Variants in MCM8 observed in about 807,000 individuals in gnomAD.
The protein encoded by MCM8 is minichromosome maintenance 8 homologous recombination repair factor, also known as DNA helicase MCM8.
A neutral mutation model predicts 98.9 loss-of-function variants in MCM8; 85 were observed. The observed-to-expected ratio is 0.86, with a 90% CI of 0.72 to 1.03. The LOEUF (loss-of-function observed/expected upper bound fraction) is 1.03, where lower values mean the gene tolerates loss of function less well. Ranked by LOEUF, MCM8 falls within the 50% of genes least tolerant of loss-of-function variation. The pLI is 0.00. For synonymous variants in MCM8, 352 were observed against 338.6 expected (o/e 1.04, Z -0.44); for missense variants, 951 against 997.8 (o/e 0.95, Z 0.63).
chr20:5,985,458 A>AT (rs34373016), intron 15 of MCM8, among the ~76,000 whole-genome samples: 1 of 145,320 alleles, frequency 6.9e-6, no homozygotes, highest in Non-Finnish European at 1.5e-5. Context: ...AAAAAAAAAA[A>AT]GGAATCTAAG....
At chr20:5,977,414 CTTGTGCTGT>C (rs2089534142) in intron 12 of MCM8, among the ~76,000 whole-genome samples, 1 of 152,206 alleles carries the variant, frequency 6.6e-6, no homozygotes, top group Admixed American at 6.5e-5. Flanking sequence ...GCTTTTAACT[CTTGTGCTGT>C]TTACTTTTCT....
At chr20:5,978,577 T>C (rs1383346338) in intron 13 of MCM8, among the ~76,000 whole-genome samples, 2 of 152,008 alleles carry the variant, frequency 1.3e-5, no homozygotes, top group Admixed American at 6.6e-5. Context: ...TTTTTTTCTT[T>C]TTATGAGACA....
intron 15 of MCM8, 127 bp downstream of exon 15, chr20:5,985,127 A>AG: frequency 1.4e-6 from 1 of 707,950 alleles, no homozygotes; most frequent in Non-Finnish European, 2.3e-6. Flanking sequence ...TTTCCATACT[A>AG]GAGTTTACGT....
intron 10 of MCM8, among the ~76,000 whole-genome samples, chr20:5,969,993 A>T (rs1484002769): frequency 6.6e-6 from 1 of 152,296 alleles, no homozygotes; most frequent in Non-Finnish European, 1.5e-5. Flanking sequence ...TTCTTCCCAC[A>T]GTTTGCTTTT....
chr20:5,993,412 A>G (rs1288386976), intron 17 of MCM8, 94 bp from the exon 18 acceptor site: 13 of 960,656 alleles, frequency 1.4e-5, no homozygotes, highest in East Asian at 2.5e-5. Flanking sequence ...CCTTGTGGCT[A>G]CTTCCAAATT....
At chr20:5,968,359 A>G (rs1332100860) in intron 10 of MCM8, among the ~76,000 whole-genome samples, 2 of 152,190 alleles carry the variant, frequency 1.3e-5, no homozygotes, top group Non-Finnish European at 2.9e-5. Context: ...AGCCTGGCCA[A>G]CATGGTGAAA....
chr20:5,961,927 A>C (rs1276094190), intron 7 of MCM8, among the ~76,000 whole-genome samples: 1 of 152,044 alleles, frequency 6.6e-6, no homozygotes, highest in Non-Finnish European at 1.5e-5. Flanking sequence ...GTAACACATC[A>C]CTCCAAAACT....
At chr20:5,971,654 A>C (rs1271029766) in intron 10 of MCM8, among the ~76,000 whole-genome samples, 3 of 152,218 alleles carry the variant, frequency 2.0e-5, no homozygotes, top group African/African-American at 7.2e-5. Flanking sequence ...CAGTCTCAAG[A>C]TGTCTGTTCA....
intron 13 of MCM8, among the ~76,000 whole-genome samples, chr20:5,982,018 G>A (rs2089639737): frequency 6.6e-6 from 1 of 152,116 alleles, no homozygotes; most frequent in Non-Finnish European, 1.5e-5. Context: ...GAGAACAAAG[G>A]AAATTCAACA....
In MCM8 at chr20:5,985,904, C is replaced by T; in HGVS notation, c.1954-18C>T. The T allele has an allele frequency of 6.2e-7, 1 of 1,612,224 alleles. No individual in the cohort carries two copies. The highest frequency in any genetic ancestry group is 8.5e-7 in the Non-Finnish European group (1 of 1,178,378). On this transcript the variant is annotated intron_variant, in intron 15 of 18. Coordinates refer to ENST00000610722, the MANE Select transcript of MCM8 (RefSeq NM_032485.6). ...GCTACTTATCCTTGTTATCTTGGGC[C>T]TTTTAATCATGCTTCAGGTGGTTCC...
At position 5,967,432 on chromosome 20, in the gene MCM8, T is replaced by TTA; in HGVS notation, c.876-3_876-2dup. 1.9e-6 allele frequency: 3 copies of TTA among 1,612,028 alleles called. No individual in the cohort carries two copies. The African/African-American group carries it at 4.0e-5, about 21-fold the overall frequency. The stretch of plus-strand genomic sequence containing the variant: ...TCTAACTGAAAACTATTTAAACTTT[T>TTA]TAGAATCCAGGAATTGATGTCTGAT... On this transcript the variant is annotated splice_region_variant and splice_polypyrimidine_tract_variant and intron_variant, in intron 8 of 18. Coordinates refer to ENST00000610722, the MANE Select transcript of MCM8 (RefSeq NM_032485.6).
Position 5,994,607 on chromosome 20 carries a change from A to C in MCM8, c.*216A>C. The C allele has an allele frequency of 3.9e-6, 2 of 512,568 alleles. No homozygotes were observed. The highest frequency in any genetic ancestry group is 7.0e-6 in the Non-Finnish European group (2 of 286,888). The allele number at this position is 512,568 out of a possible 1,614,324, so 31.8% of individuals were successfully genotyped here. On this transcript the variant is annotated 3_prime_UTR_variant, in exon 19 of 19. Coordinates refer to ENST00000610722, the MANE Select transcript of MCM8 (RefSeq NM_032485.6). The stretch of plus-strand genomic sequence containing the variant: ...TTAAATATAATAAACTAATTTAAGA[A>C]GTGATAAAGTCTCCAGATGCAGTAG...
chr20:5,966,003 A>G (rs1442199415), intron 8 of MCM8, among the ~76,000 whole-genome samples: 1 of 152,156 alleles, frequency 6.6e-6, no homozygotes, highest in East Asian at 1.9e-4. Context: ...ATTTTCAGAA[A>G]GTATACAGGA....
At position 5,997,956 on chromosome 20, in the gene MCM8, A is replaced by G. The variant is rs972669572; in HGVS notation, c.*3565A>G. ...TGATCATTTCATTTTTAGGATAGAG[A>G]TATCAAGGTGAGGGTATAACTGAAC... On this transcript the variant is annotated 3_prime_UTR_variant, in exon 19 of 19. Coordinates refer to ENST00000610722, the MANE Select transcript of MCM8 (RefSeq NM_032485.6). 1 of 152,192 alleles carries G rather than the reference A, an allele frequency of 6.6e-6. No individual in the cohort carries two copies. The highest frequency in any genetic ancestry group is 2.4e-5 in the African/African-American group (1 of 41,444). The allele number at this position is 152,192 out of a possible 1,614,324, so 9.4% of individuals were successfully genotyped here.
chr20:5,955,194 TG>T lies in MCM8; in HGVS notation c.430del (p.Glu144AsnfsTer2). On this transcript the variant is annotated frameshift_variant, in exon 5 of 19. Coordinates refer to ENST00000610722, the MANE Select transcript of MCM8 (RefSeq NM_032485.6). LOFTEE classifies it high-confidence loss of function. ...VTNLIPDIAT[E>X]LRDAPEKTLA... ...CTAACTTGATACCAGATATAGCAAC[TG>T]AACTAAGAGATGCACCTGAGAAAAC... 6.2e-7 allele frequency: 1 copy of T among 1,614,004 alleles called. No homozygotes were observed. The highest frequency in any genetic ancestry group is 1.7e-4 in the Middle Eastern group (1 of 6,058).
chr20:5,952,925 G>A (rs1364999488), intron 3 of MCM8, among the ~76,000 whole-genome samples: 1 of 152,198 alleles, frequency 6.6e-6, no homozygotes, highest in Non-Finnish European at 1.5e-5. Context: ...TCACAGCATA[G>A]CTGTTATTTT....
In MCM8 at chr20:5,987,285, C is replaced by T. The variant is rs770636766; in HGVS notation, c.2167C>T (p.Arg723Ter). Reference sequence around the variant, plus strand: ...AAAATGGTGTTTTCTTTTAAAGGCACGAGCAAGGTTGGAATTGAGAGAGGA... The same window carrying T: ...AAAATGGTGTTTTCTTTTAAAGGCATGAGCAAGGTTGGAATTGAGAGAGGA... The part of the protein sequence containing the change: ...LESLIRLTEA[R>*]ARLELREEAT... The change falls in exon 17 of 19, where the codon CGA becomes TGA. Residue 723 changes from arginine (R) to a stop codon, truncating the protein, a stop_gained. Transcript: ENST00000610722. LOFTEE classifies it high-confidence loss of function. 8.1e-6 allele frequency: 13 copies of T among 1,611,276 alleles called. No individual in the cohort carries two copies. Among genetic ancestry groups the T allele is most frequent in the Middle Eastern group, 1.6e-4 (1 of 6,070 alleles).
rs376701309 is a variant in MCM8, at chr20:5,978,804, C to T, written c.1537+787C>T. ...AACTCCTGGCCTCAAGTGATCCACC[C>T]ACCACACCTCCCAAAGTGCTGAGAT... On this transcript the variant is annotated intron_variant, in intron 13 of 18. Coordinates refer to ENST00000610722, the MANE Select transcript of MCM8 (RefSeq NM_032485.6). Among the ~76,000 whole-genome samples, 10 of 152,326 alleles carry T rather than the reference C, an allele frequency of 6.6e-5. No homozygotes were observed. The East Asian group carries it at 1.7e-3, about 26-fold the overall frequency.
At chr20:5,970,253 T>G (rs1481019733) in intron 10 of MCM8, among the ~76,000 whole-genome samples, 3 of 152,336 alleles carry the variant, frequency 2.0e-5, no homozygotes, top group African/African-American at 7.2e-5. Flanking sequence ...TAAGAAAAAG[T>G]TTGTCAACCC....
Sources: gnomAD v4.1 joint callset for allele counts (sites outside exome capture counted in the v4.1 genomes callset) on GRCh38, gnomAD v4.1.1 for gene constraint, MANE v1.5 for transcripts, NCBI Gene and HGNC (gene_info 2026-07-23, HGNC 2026-07-21) for gene names.